The following CERKL variants were observed in gnomAD, a reference collection of about 807,000 sequenced individuals.
The protein encoded by CERKL is CERK like autophagy regulator.
Under a neutral mutation model 63.4 loss-of-function variants are expected in CERKL, and 61 were observed. That is an observed-to-expected ratio of 0.96 (90% CI 0.78 to 1.19). The LOEUF is 1.19. Ranked by LOEUF, CERKL falls within the 50% of genes most tolerant of loss-of-function variation. CERKL has a pLI of 0.00. For missense variants in CERKL, 675 were observed against 655.5 expected, an observed-to-expected ratio of 1.03 and a Z score of -0.33; for synonymous variants, 250 against 230.5, an observed-to-expected ratio of 1.08 and a Z score of -0.77.
intron 1 of CERKL, among the ~76,000 whole-genome samples, chr2:181,630,461 A>G (rs925735537): frequency 6.6e-6 from 1 of 152,190 alleles, no homozygotes; most frequent in African/African-American, 2.4e-5. Context: ...CCCCAGTGTG[A>G]CTGTATTTAG....
chr2:181,651,321 T>C (rs1687928148), intron 1 of CERKL, among the ~76,000 whole-genome samples: 1 of 152,198 alleles, frequency 6.6e-6, no homozygotes, highest in Non-Finnish European at 1.5e-5. Flanking sequence ...GATAACTTGC[T>C]ACATTCAAGT....
intron 1 of CERKL, among the ~76,000 whole-genome samples, chr2:181,624,167 T>C (rs1686579181): frequency 1.3e-5 from 2 of 152,112 alleles, no homozygotes; most frequent in South Asian, 4.2e-4. Context: ...TAATATAGAC[T>C]ACATTAAGGA....
chr2:181,570,203 G>GT (rs1169578883), intron 3 of CERKL, among the ~76,000 whole-genome samples: 1 of 152,148 alleles, frequency 6.6e-6, no homozygotes, highest in East Asian at 1.9e-4. Context: ...TCATAAGAAT[G>GT]TCAAACAGTA....
At chr2:181,608,248 C>T (rs1685803630) in intron 1 of CERKL, among the ~76,000 whole-genome samples, 1 of 151,870 alleles carries the variant, frequency 6.6e-6, no homozygotes, top group African/African-American at 2.4e-5. Flanking sequence ...TCTTACCAAT[C>T]TTTAAAGTCC....
intron 2 of CERKL, among the ~76,000 whole-genome samples, chr2:181,590,032 C>T (rs1304075444): frequency 6.6e-6 from 1 of 151,588 alleles, no homozygotes; most frequent in Non-Finnish European, 1.5e-5. Context: ...GTTGCCCAGG[C>T]TGGTCTGTCC....
intron 1 of CERKL, among the ~76,000 whole-genome samples, chr2:181,649,336 A>G (rs1032403172): frequency 4.6e-5 from 7 of 152,230 alleles, no homozygotes; most frequent in Non-Finnish European, 8.8e-5. Flanking sequence ...AAAGGGATCA[A>G]TTCAACAACA....
intron 5 of CERKL, among the ~76,000 whole-genome samples, chr2:181,554,945 G>A (rs1422586143): frequency 2.0e-5 from 3 of 152,038 alleles, no homozygotes; most frequent in Admixed American, 6.6e-5. Flanking sequence ...GAACTCCTAT[G>A]CAATGACCAG....
intron 1 of CERKL, among the ~76,000 whole-genome samples, chr2:181,653,642 G>C (rs1574073523): frequency 6.6e-6 from 1 of 152,308 alleles, no homozygotes; most frequent in East Asian, 1.9e-4. Flanking sequence ...AAGTAACCCA[G>C]ACACAGAAAG....
chr2:181,578,576 G>T (rs1454774928), intron 2 of CERKL, among the ~76,000 whole-genome samples: 1 of 151,228 alleles, frequency 6.6e-6, no homozygotes, highest in East Asian at 1.9e-4. Flanking sequence ...AGGATTACAG[G>T]TATGAACCAC....
intron 5 of CERKL, among the ~76,000 whole-genome samples, chr2:181,552,843 G>A (rs1338165053): frequency 6.6e-6 from 1 of 150,532 alleles, no homozygotes; most frequent in Non-Finnish European, 1.5e-5. Flanking sequence ...TATTAAAACA[G>A]TAATAGCAGT....
rs971741 is a variant in CERKL at position 181,550,371 on chromosome 2, C to A, written c.821-663G>T. 0.14 allele frequency among the ~76,000 whole-genome samples: 20,938 copies of A among 152,068 alleles called. 1,572 individuals carry two copies. The highest frequency in any genetic ancestry group is 0.22 in the East Asian group (1,127 of 5,186). On this transcript the variant is annotated intron_variant, in intron 5 of 12. Transcript: ENST00000410087. This position sits in a 1 kb window ranked among gnomAD's most constrained non-coding sequence, Gnocchi z 4.5. ...AGAATTTAAGACACACCTGGATTTT[C>A]CCCACCAGTCCACAGAGGCAAAGAG...
chr2:181,544,390 A>G (rs1450003128), intron 11 of CERKL, among the ~76,000 whole-genome samples: 1 of 152,212 alleles, frequency 6.6e-6, no homozygotes, highest in Non-Finnish European at 1.5e-5. Flanking sequence ...TTTCATTCTG[A>G]AGAACAGCCT....
intron 5 of CERKL, among the ~76,000 whole-genome samples, chr2:181,556,374 T>C (rs1008363948): frequency 2.0e-5 from 3 of 152,112 alleles, no homozygotes; most frequent in Non-Finnish European, 4.4e-5. Context: ...GTATTTCTCC[T>C]AATGTTATCC....
intron 4 of CERKL, among the ~76,000 whole-genome samples, chr2:181,565,047 C>T (rs1688603799): frequency 6.6e-6 from 1 of 152,086 alleles, no homozygotes; most frequent in African/African-American, 2.4e-5. Context: ...TCTTTCTCAA[C>T]AGCTATTGTT....
chr2:181,577,693 G>T (rs1004824121), intron 2 of CERKL, among the ~76,000 whole-genome samples: 1 of 152,162 alleles, frequency 6.6e-6, no homozygotes, highest in Non-Finnish European at 1.5e-5. Flanking sequence ...CAGAGACTTA[G>T]AGGCATGGGA....
chr2:181,604,220 C>A lies in CERKL; in HGVS notation c.239-141G>T, dbSNP rs542714478. 1.9e-4 allele frequency: 123 copies of A among 641,924 alleles called. 2 individuals carry two copies. The South Asian group carries it at 2.4e-3, about 12-fold the overall frequency. 39.8% of individuals were successfully genotyped at this position (641,924 alleles called of 1,614,324 possible). ...AACTAATGGGTACTGGGCTTAATAC[C>A]TGGGTGATGAAATAATCTGTACAAC... On this transcript the variant is annotated intron_variant, in intron 1 of 12. Coordinates refer to ENST00000410087, the MANE Select transcript of CERKL (RefSeq NM_201548.5).
rs549091732 is a variant in CERKL at position 181,646,898 on chromosome 2, G to A, written c.238+9871C>T. ...AGGTGAACTAATGGAGATGGTCAGAGTAAGCCAATTTTTCTAGGAGATTAT... is the reference window on the plus strand; with the variant it reads ...AGGTGAACTAATGGAGATGGTCAGAATAAGCCAATTTTTCTAGGAGATTAT... On this transcript the variant is annotated intron_variant, in intron 1 of 12. Coordinates refer to ENST00000410087, the MANE Select transcript of CERKL (RefSeq NM_201548.5). Among the ~76,000 whole-genome samples, 22 of 152,286 alleles carry A rather than the reference G, an allele frequency of 1.4e-4. 1 individual carries two copies. In the East Asian group the frequency reaches 3.9e-3, roughly 27 times the overall value.
chr2:181,558,804 G>T lies in CERKL; in HGVS notation c.678-96C>A. The T allele has an allele frequency of 7.9e-7, 1 of 1,263,714 alleles. No homozygotes were observed. The highest frequency in any genetic ancestry group is 1.1e-6 in the Non-Finnish European group (1 of 878,580). The allele number at this position is 1,263,714 out of a possible 1,614,324, so 78.3% of individuals were successfully genotyped here. A position where few individuals can be genotyped will look rare whatever the true frequency, so the allele number is the denominator to read the frequency against. ...CTTCAAAATAGTTTACTAATTTGTAGTCTATGTGCATAACTGCTCACATGT... is the reference window on the plus strand; with the variant it reads ...CTTCAAAATAGTTTACTAATTTGTATTCTATGTGCATAACTGCTCACATGT... On this transcript the variant is annotated intron_variant, in intron 4 of 12. Coordinates refer to ENST00000410087, the MANE Select transcript of CERKL (RefSeq NM_201548.5). The surrounding 1 kb of genome is among the most constrained non-coding windows in gnomAD (Gnocchi z 4.2).
chr2:181,592,841 T>G (rs945875395), intron 2 of CERKL, among the ~76,000 whole-genome samples: 7 of 152,298 alleles, frequency 4.6e-5, no homozygotes, highest in Admixed American at 3.9e-4. Flanking sequence ...GTACATTCCA[T>G]GACACACCAA....
Sources: gnomAD v4.1 joint callset for allele counts (sites outside exome capture counted in the v4.1 genomes callset) on GRCh38, gnomAD v4.1.1 for gene constraint, Gnocchi (gnomAD v3.1) non-coding constraint, MANE v1.5 for transcripts, NCBI Gene and HGNC (gene_info 2026-07-23, HGNC 2026-07-21) for gene names.